SHISA9: variants seen among roughly 807,000 people sequenced by gnomAD.
SHISA9 encodes protein shisa-9.
A neutral mutation model predicts 38.0 loss-of-function variants in SHISA9; 13 were observed. The ratio of observed to expected loss-of-function variants is 0.34; its 90% CI spans 0.22 to 0.54. SHISA9 has a LOEUF of 0.54. Among genes scored for constraint, SHISA9 ranks in the 20% least tolerant of loss-of-function variants. SHISA9 has a pLI of 0.91. For synonymous variants in SHISA9, 275 were observed against 242.0 expected, an observed-to-expected ratio of 1.14 and a Z score of -1.27; for missense variants, 538 against 575.8, an observed-to-expected ratio of 0.93 and a Z score of 0.67.
chr16:13,074,668 CTTTTTTTT>C (rs947582644), intron 2 of SHISA9, among the ~76,000 whole-genome samples: 1 of 141,112 alleles, frequency 7.1e-6, no homozygotes. Flanking sequence ...TTTTCTTTTT[CTTTTTTTT>C]TTTTTGAGGT....
chr16:13,290,242 T>G, the SHISA9 span, among the ~76,000 whole-genome samples: 3 of 152,130 alleles, frequency 2.0e-5, no homozygotes, highest in Non-Finnish European at 4.4e-5. Context: ...AGGGCAAACA[T>G]TTTCATTTAT....
At chr16:13,280,422 G>A in the SHISA9 span, among the ~76,000 whole-genome samples, 1 of 151,504 alleles carries the variant, frequency 6.6e-6, no homozygotes, top group Non-Finnish European at 1.5e-5. Context: ...TTTCTGACTT[G>A]TTCATCGAAT....
chr16:13,046,087 G>A (rs1354523943), intron 2 of SHISA9, among the ~76,000 whole-genome samples: 2 of 152,194 alleles, frequency 1.3e-5, no homozygotes, highest in African/African-American at 4.8e-5. Flanking sequence ...TGGTTTGGAG[G>A]TGATGCTGAT....
At chr16:13,008,588 G>A (rs1240854137) in intron 2 of SHISA9, among the ~76,000 whole-genome samples, 1 of 150,952 alleles carries the variant, frequency 6.6e-6, no homozygotes, top group Non-Finnish European at 1.5e-5. Flanking sequence ...ATAAGGGTCC[G>A]GTGCTTCCCC....
chr16:13,251,201 C>T, the SHISA9 span, among the ~76,000 whole-genome samples: 5 of 152,178 alleles, frequency 3.3e-5, no homozygotes, highest in African/African-American at 7.2e-5. Flanking sequence ...CATCCCCAAG[C>T]TTCCTCCTCT....
intron 2 of SHISA9, among the ~76,000 whole-genome samples, chr16:13,023,692 A>C (rs2072885663): frequency 6.6e-6 from 1 of 152,148 alleles, no homozygotes; most frequent in African/African-American, 2.4e-5. Context: ...TTGTTTCCTG[A>C]CTTTTTAATG....
intron 2 of SHISA9, among the ~76,000 whole-genome samples, chr16:13,076,801 A>C (rs1212124641): frequency 6.6e-6 from 1 of 152,178 alleles, no homozygotes; most frequent in Non-Finnish European, 1.5e-5. Context: ...TGTCACCTCC[A>C]CAGATGAATA....
At chr16:13,100,127 C>G (rs750944632) in intron 2 of SHISA9, among the ~76,000 whole-genome samples, 22 of 152,206 alleles carry the variant, frequency 1.4e-4, no homozygotes, top group Non-Finnish European at 3.1e-4. Flanking sequence ...GTCACCATAG[C>G]TGATTCCTCA....
At chr16:13,111,514 C>T (rs2073977997) in intron 2 of SHISA9, among the ~76,000 whole-genome samples, 2 of 152,112 alleles carry the variant, frequency 1.3e-5, no homozygotes, top group African/African-American at 2.4e-5. Flanking sequence ...CTGAAAACAC[C>T]TCCCTGTTTT....
chr16:13,512,487 A>C, the SHISA9 span, among the ~76,000 whole-genome samples: 1 of 152,220 alleles, frequency 6.6e-6, no homozygotes, highest in Non-Finnish European at 1.5e-5. Flanking sequence ...CATTCTTCAC[A>C]GAATTAGAAA....
At chr16:13,550,939 C>G in the SHISA9 span, among the ~76,000 whole-genome samples, 2 of 152,056 alleles carry the variant, frequency 1.3e-5, no homozygotes, top group African/African-American at 4.8e-5. Flanking sequence ...CTGGCCAACA[C>G]AGTGAAACCG....
chr16:13,400,476 G>T, the SHISA9 span, among the ~76,000 whole-genome samples: 1,405 of 152,056 alleles, frequency 9.2e-3, 20 homozygotes, highest in African/African-American at 0.032. Context: ...AGGCCAAATC[G>T]TCTTACCATA....
chr16:12,985,442 A>G (rs897164581), intron 2 of SHISA9, among the ~76,000 whole-genome samples: 2 of 152,056 alleles, frequency 1.3e-5, no homozygotes, highest in African/African-American at 4.8e-5. Flanking sequence ...GACTATGACC[A>G]CCTTGAAAAC....
intron 2 of SHISA9, among the ~76,000 whole-genome samples, chr16:13,196,657 T>C (rs2050946362): frequency 6.6e-6 from 1 of 152,234 alleles, no homozygotes; most frequent in African/African-American, 2.4e-5. Context: ...TCAAAATTGA[T>C]TCATTCACTG....
At chr16:12,908,914 A>G in intron 1 of SHISA9, 6 of 1,032,966 alleles carry the variant, frequency 5.8e-6, no homozygotes, top group Non-Finnish European at 7.0e-6. Context: ...GGCAAATGGC[A>G]GATAAGGGTC....
intron 2 of SHISA9, among the ~76,000 whole-genome samples, chr16:13,102,793 G>A (rs2073891517): frequency 6.6e-6 from 1 of 152,080 alleles, no homozygotes; most frequent in Admixed American, 6.6e-5. Flanking sequence ...ATCAATATGT[G>A]GCACCCAATG....
chr16:13,149,288 G>A (rs1200515147), intron 2 of SHISA9, among the ~76,000 whole-genome samples: 3 of 152,192 alleles, frequency 2.0e-5, no homozygotes, highest in Non-Finnish European at 4.4e-5. Flanking sequence ...CTGATGTCCT[G>A]AGCCTGGCAT....
At chr16:13,481,738 G>A in the SHISA9 span, among the ~76,000 whole-genome samples, 1 of 152,202 alleles carries the variant, frequency 6.6e-6, no homozygotes. Flanking sequence ...AAGGTCAAAG[G>A]TGTCAGAGGT....
the SHISA9 span, among the ~76,000 whole-genome samples, chr16:13,446,986 GA>G: frequency 0.49 from 59,732 of 121,588 alleles, 13,070 homozygotes; most frequent in African/African-American, 0.61. Flanking sequence ...TCTCAAAAAA[GA>G]AAAAAAAAAA....
Sources: allele counts gnomAD v4.1 joint callset (sites outside exome capture counted in the v4.1 genomes callset), GRCh38; gene constraint gnomAD v4.1.1; transcripts MANE v1.5; gene names NCBI Gene and HGNC (gene_info 2026-07-23, HGNC 2026-07-21).